Variants in PPP1R9A observed in about 807,000 individuals in gnomAD.
The protein encoded by PPP1R9A is neurabin-1.
Under a neutral mutation model 141.9 loss-of-function variants are expected in PPP1R9A, and 59 were observed. That is an observed-to-expected ratio of 0.42 (90% CI 0.34 to 0.52). The LOEUF (loss-of-function observed/expected upper bound fraction) is 0.52, where lower values mean the gene tolerates loss of function less well. Among genes scored for constraint, PPP1R9A ranks in the 20% least tolerant of loss-of-function variants. The probability of loss-of-function intolerance (pLI) is 0.10; values close to 1 mark genes in which losing one functional copy is unlikely to be tolerated. For synonymous variants in PPP1R9A, 500 were observed against 569.7 expected (o/e 0.88, Z 1.74); for missense variants, 1,444 against 1,611.9 (o/e 0.90, Z 1.78).
At chr7:95,080,413 C>T (rs954477228) in intron 2 of PPP1R9A, among the ~76,000 whole-genome samples, 5 of 152,148 alleles carry the variant, frequency 3.3e-5, no homozygotes, top group African/African-American at 1.2e-4. Context: ...AGGAGAACTA[C>T]AAACCACTGC....
chr7:94,976,431 C>G (rs1231676301), intron 2 of PPP1R9A, among the ~76,000 whole-genome samples: 1 of 148,186 alleles, frequency 6.7e-6, no homozygotes, highest in Non-Finnish European at 1.5e-5. Flanking sequence ...ACCTCTGACT[C>G]CTGGGTTCAG....
intron 2 of PPP1R9A, among the ~76,000 whole-genome samples, chr7:94,989,737 A>G (rs1361386767): frequency 2.0e-5 from 3 of 152,134 alleles, no homozygotes; most frequent in Admixed American, 1.3e-4. Context: ...TATATTTGTA[A>G]TACTTATTTA....
Position 95,117,911 on chromosome 7 carries a change from A to G in PPP1R9A, c.1529-2801A>G, listed in dbSNP as rs575178235. On this transcript the variant is annotated intron_variant, in intron 3 of 19. Coordinates refer to ENST00000433360, the MANE Select transcript of PPP1R9A (RefSeq NM_001166160.2). ...TTTCTGCATGGAAGAGGCTACATTG[A>G]TCATCTCTTAAACAACACAAGAGCA... Among the ~76,000 whole-genome samples, 4 of 152,324 alleles carry G rather than the reference A, an allele frequency of 2.6e-5. No individual in the cohort carries two copies. The South Asian group carries it at 6.2e-4, about 24-fold the overall frequency.
chr7:94,948,846 AAG>A (rs1796161038), intron 2 of PPP1R9A, among the ~76,000 whole-genome samples: 1 of 152,046 alleles, frequency 6.6e-6, no homozygotes, highest in Non-Finnish European at 1.5e-5. Flanking sequence ...TGTATTTCCC[AAG>A]AGAGAGAAAG....
intron 7 of PPP1R9A, among the ~76,000 whole-genome samples, chr7:95,221,732 AC>A (rs1002625498): frequency 6.6e-6 from 1 of 151,990 alleles, no homozygotes; most frequent in Non-Finnish European, 1.5e-5. Context: ...AGAGGGGAAA[AC>A]CATAAAATTC....
At chr7:95,208,879 C>T (rs1037639941) in intron 7 of PPP1R9A, among the ~76,000 whole-genome samples, 1 of 140,870 alleles carries the variant, frequency 7.1e-6, no homozygotes, top group Non-Finnish European at 1.5e-5. Context: ...AAAATACACA[C>T]AATATTATTC....
intron 8 of PPP1R9A, 37 bp from the exon 9 acceptor site, chr7:95,247,436 T>C (rs1798260638): frequency 1.3e-6 from 2 of 1,526,338 alleles, no homozygotes; most frequent in Non-Finnish European, 1.8e-6. Context: ...AGATACACTT[T>C]CTTAGTTCAG....
chr7:95,286,067 C>T, intron 17 of PPP1R9A, 139 bp from the exon 18 acceptor site: 1 of 1,362,148 alleles, frequency 7.3e-7, no homozygotes. Context: ...CAACCGCTGC[C>T]CCATTGAAGG....
At chr7:95,132,814 G>A (rs1824910588) in intron 4 of PPP1R9A, among the ~76,000 whole-genome samples, 1 of 152,160 alleles carries the variant, frequency 6.6e-6, no homozygotes, top group Non-Finnish European at 1.5e-5. Context: ...TTGGGTGCTG[G>A]CATCTAGACA....
chr7:95,251,643 A>C (rs1798887661), intron 10 of PPP1R9A, 119 bp from the exon 11 acceptor site: 1 of 897,694 alleles, frequency 1.1e-6, no homozygotes, highest in Admixed American at 3.0e-5. Context: ...AACTGATTGA[A>C]TGTTGTCCAT....
intron 8 of PPP1R9A, among the ~76,000 whole-genome samples, chr7:95,235,349 G>A (rs1279574285): frequency 6.6e-6 from 1 of 151,988 alleles, no homozygotes; most frequent in East Asian, 1.9e-4. Flanking sequence ...TCAAAAAGTG[G>A]GCTAAGGACA....
chr7:95,085,910 G>A (rs1054018100), intron 2 of PPP1R9A, among the ~76,000 whole-genome samples: 1 of 151,724 alleles, frequency 6.6e-6, no homozygotes, highest in African/African-American at 2.4e-5. Flanking sequence ...TCATCTAAAG[G>A]TTTTAAGAGT....
intron 8 of PPP1R9A, among the ~76,000 whole-genome samples, chr7:95,243,906 T>C (rs1797781961): frequency 6.6e-6 from 1 of 152,158 alleles, no homozygotes; most frequent in Non-Finnish European, 1.5e-5. Context: ...AACCTGGCTT[T>C]GGCACCTAAT....
chr7:95,016,860 T>C (rs1349347392), intron 2 of PPP1R9A, among the ~76,000 whole-genome samples: 1 of 152,190 alleles, frequency 6.6e-6, no homozygotes, highest in Admixed American at 6.6e-5. Context: ...CAAGAAGTTA[T>C]GTTGAAGTCC....
intron 2 of PPP1R9A, among the ~76,000 whole-genome samples, chr7:95,110,152 G>A (rs1049571851): frequency 3.3e-5 from 5 of 152,088 alleles, no homozygotes; most frequent in Non-Finnish European, 1.5e-5. Context: ...CTATATATGC[G>A]TATGTATTTT....
intron 19 of PPP1R9A, among the ~76,000 whole-genome samples, chr7:95,289,391 A>C (rs1405913408): frequency 6.6e-6 from 1 of 152,250 alleles, no homozygotes; most frequent in Non-Finnish European, 1.5e-5. Context: ...GTTAGAGATC[A>C]ATCAATAGCT....
intron 3 of PPP1R9A, among the ~76,000 whole-genome samples, chr7:95,118,824 A>C (rs1290036493): frequency 2.7e-5 from 4 of 150,224 alleles, no homozygotes; most frequent in South Asian, 2.1e-4. Flanking sequence ...AAAAAAAAAA[A>C]CACAAAAAAT....
At chr7:95,131,327 C>T (rs995259813) in intron 4 of PPP1R9A, among the ~76,000 whole-genome samples, 5 of 152,158 alleles carry the variant, frequency 3.3e-5, no homozygotes, top group African/African-American at 1.2e-4. Flanking sequence ...TCACCTTCCG[C>T]CATGATTGTG....
intron 1 of PPP1R9A, 149 bp downstream of exon 1, chr7:94,907,851 CG>C (rs1317251114): frequency 6.7e-6 from 1 of 149,676 alleles, no homozygotes; most frequent in Non-Finnish European, 1.5e-5. Context: ...CCCGAGCGTG[CG>C]GGCGCGTCGC....
Sources: allele counts gnomAD v4.1 joint callset (sites outside exome capture counted in the v4.1 genomes callset), GRCh38; gene constraint gnomAD v4.1.1; transcripts MANE v1.5; gene names NCBI Gene and HGNC (gene_info 2026-07-23, HGNC 2026-07-21).